Variants in GTF2IRD1 observed in about 807,000 individuals in gnomAD.
The protein encoded by GTF2IRD1 is GTF2I repeat domain containing 1, also known as general transcription factor II-I repeat domain-containing protein 1.
A neutral mutation model predicts 113.2 loss-of-function variants in GTF2IRD1; 26 were observed. That is an observed-to-expected ratio of 0.23 (90% CI 0.17 to 0.32). GTF2IRD1 has a LOEUF of 0.32. Ranked by LOEUF, GTF2IRD1 falls within the 10% of genes least tolerant of loss-of-function variation. GTF2IRD1 has a pLI of 1.00. For missense variants in GTF2IRD1, 864 were observed against 1,280.8 expected, an observed-to-expected ratio of 0.67 and a Z score of 4.97; for synonymous variants, 484 against 529.1, an observed-to-expected ratio of 0.91 and a Z score of 1.17.
At chr7:74,480,489 C>T (rs1318538454) in intron 1 of GTF2IRD1, among the ~76,000 whole-genome samples, 1 of 152,226 alleles carries the variant, frequency 6.6e-6, no homozygotes, top group African/African-American at 2.4e-5. Context: ...GAGTCCCCGC[C>T]GGCTGACAGC....
intron 1 of GTF2IRD1, among the ~76,000 whole-genome samples, chr7:74,460,465 T>G (rs1162351472): frequency 6.6e-6 from 1 of 151,750 alleles, no homozygotes; most frequent in Non-Finnish European, 1.5e-5. Context: ...CAGGCTGGTC[T>G]CAAGCTCCTG....
intron 22 of GTF2IRD1, among the ~76,000 whole-genome samples, chr7:74,589,398 A>G (rs1357593431): frequency 6.6e-6 from 1 of 151,694 alleles, no homozygotes; most frequent in Non-Finnish European, 1.5e-5. Context: ...CCAATAACTG[A>G]TGCTAGAAAC....
At chr7:74,525,676 G>A (rs1797556014) in intron 8 of GTF2IRD1, among the ~76,000 whole-genome samples, 1 of 151,994 alleles carries the variant, frequency 6.6e-6, no homozygotes, top group Non-Finnish European at 1.5e-5. Context: ...AGAATCACTT[G>A]AACCCGGGAG....
intron 15 of GTF2IRD1, 127 bp from the exon 16 acceptor site, chr7:74,545,617 G>T: frequency 4.2e-6 from 2 of 476,264 alleles, no homozygotes. Context: ...GTTACCCACC[G>T]CCCCAGCCCC....
chr7:74,502,961 G>A (rs530635321), intron 1 of GTF2IRD1, among the ~76,000 whole-genome samples: 8 of 152,252 alleles, frequency 5.3e-5, no homozygotes, highest in Admixed American at 2.6e-4. Context: ...GAGGTCAGGC[G>A]TTCGAGACCA....
At chr7:74,589,964 C>CT (rs1801956144) in intron 23 of GTF2IRD1, 36 bp downstream of exon 23, 1 of 1,417,578 alleles carries the variant, frequency 7.1e-7, no homozygotes, top group Admixed American at 1.7e-5. Flanking sequence ...ACACCAAGCC[C>CT]TCCTCCCGGG....
At chr7:74,470,355 C>T (rs1055528729) in intron 1 of GTF2IRD1, among the ~76,000 whole-genome samples, 4 of 152,154 alleles carry the variant, frequency 2.6e-5, no homozygotes, top group African/African-American at 9.7e-5. Flanking sequence ...ACCATCGCCA[C>T]CATCTAAGTC....
At chr7:74,496,701 C>T (rs1484487482) in intron 1 of GTF2IRD1, among the ~76,000 whole-genome samples, 1 of 151,938 alleles carries the variant, frequency 6.6e-6, no homozygotes, top group Admixed American at 6.6e-5. Flanking sequence ...CTAGTGCTCA[C>T]ACTTACCTCT....
At chr7:74,511,164 C>T (rs906009767) in intron 2 of GTF2IRD1, among the ~76,000 whole-genome samples, 1 of 152,014 alleles carries the variant, frequency 6.6e-6, no homozygotes, top group African/African-American at 2.4e-5. Flanking sequence ...AGACAGGCTC[C>T]CCCGTCCCTG....
At chr7:74,601,303 G>T in intron 26 of GTF2IRD1, 123 bp downstream of exon 26, 1 of 1,545,060 alleles carries the variant, frequency 6.5e-7, no homozygotes, top group Non-Finnish European at 8.7e-7. Flanking sequence ...TTTGAGTGGG[G>T]ACCTTCCGGC....
chr7:74,591,700 G>A (rs781808444), intron 24 of GTF2IRD1, among the ~76,000 whole-genome samples: 7 of 151,366 alleles, frequency 4.6e-5, no homozygotes, highest in South Asian at 2.1e-4. Flanking sequence ...CTATTATACC[G>A]TATATCCTTA....
Position 74,544,746 on chromosome 7 carries a change from C to A in GTF2IRD1, c.1619-9C>A, listed in dbSNP as rs782486017. 1 of 1,613,380 alleles carries A rather than the reference C, an allele frequency of 6.2e-7. No homozygotes were observed. The highest frequency in any genetic ancestry group is 1.7e-5 in the Admixed American group (1 of 59,984). ...ATGTGGCTTCCCGGCATCCTCTGTT[C>A]TCTTTTAGACAAAGGTCTGAGTGAG... On this transcript the variant is annotated splice_polypyrimidine_tract_variant and intron_variant, in intron 14 of 26. Coordinates refer to ENST00000424337, the MANE Select transcript of GTF2IRD1 (RefSeq NM_005685.4).
intron 1 of GTF2IRD1, among the ~76,000 whole-genome samples, chr7:74,476,366 C>CTTTTTTTTTT (rs61151844): frequency 0.029 from 3,590 of 121,822 alleles, 252 homozygotes; most frequent in Non-Finnish European, 0.036. Flanking sequence ...TCTGAACCTC[C>CTTTTTTTTTT]TTTTTTTTTT....
intron 22 of GTF2IRD1, among the ~76,000 whole-genome samples, chr7:74,569,472 AG>A (rs1478604604): frequency 6.6e-6 from 1 of 152,174 alleles, no homozygotes; most frequent in East Asian, 1.9e-4. Flanking sequence ...TTGTGCAGTG[AG>A]GGGGGGATGG....
At chr7:74,523,692 G>A (rs141970008) in intron 7 of GTF2IRD1, among the ~76,000 whole-genome samples, 2,206 of 152,138 alleles carry the variant, frequency 0.015, 46 homozygotes, top group African/African-American at 0.05. Context: ...CTGCACTCCA[G>A]CCTGGGTGAC....
chr7:74,482,223 C>CTTT (rs5884948), intron 1 of GTF2IRD1, among the ~76,000 whole-genome samples: 113 of 107,952 alleles, frequency 1.0e-3, no homozygotes, highest in African/African-American at 1.7e-3. Flanking sequence ...TCTCCTAAAA[C>CTTT]TTTTTTTTTT....
intron 16 of GTF2IRD1, 67 bp downstream of exon 16, chr7:74,545,876 G>T (rs1798897397): frequency 8.2e-7 from 1 of 1,214,948 alleles, no homozygotes; most frequent in East Asian, 2.3e-5. Context: ...GTTTGCAGAA[G>T]GGCTTTGGTC....
intron 22 of GTF2IRD1, among the ~76,000 whole-genome samples, chr7:74,582,113 G>C (rs782019449): frequency 6.6e-6 from 1 of 152,220 alleles, no homozygotes; most frequent in Non-Finnish European, 1.5e-5. Flanking sequence ...GAGCTGTCTC[G>C]GTTGCAGCGG....
At chr7:74,547,974 G>A (rs1554353870) in intron 17 of GTF2IRD1, among the ~76,000 whole-genome samples, 1 of 152,112 alleles carries the variant, frequency 6.6e-6, no homozygotes, top group Non-Finnish European at 1.5e-5. Flanking sequence ...TGGGCCGGGG[G>A]CTGGGAGCAA....
Sources: gnomAD v4.1 joint callset for allele counts (sites outside exome capture counted in the v4.1 genomes callset) on GRCh38, gnomAD v4.1.1 for gene constraint, MANE v1.5 for transcripts, NCBI Gene and HGNC (gene_info 2026-07-23, HGNC 2026-07-21) for gene names.